Variants in SMARCA2 observed in about 807,000 individuals in gnomAD.
SMARCA2 encodes SWI/SNF-related matrix-associated actin-dependent regulator of chromatin subfamily A member 2.
SMARCA2 carries 61 observed loss-of-function variants against 199.8 expected under a neutral mutation model. That is an observed-to-expected ratio of 0.31 (90% CI 0.25 to 0.38). The LOEUF is 0.38. SMARCA2 is among the 10% of genes least tolerant of loss of function. The probability of loss-of-function intolerance (pLI) is 1.00; values close to 1 mark genes in which losing one functional copy is unlikely to be tolerated. For synonymous variants in SMARCA2, 935 were observed against 732.0 expected, an observed-to-expected ratio of 1.28 and a Z score of -4.48; for missense variants, 1,344 against 2,012.2, an observed-to-expected ratio of 0.67 and a Z score of 6.35.
At chr9:2,155,432 G>C (rs191279449) in intron 27 of SMARCA2, among the ~76,000 whole-genome samples, 300 of 152,118 alleles carry the variant, frequency 2.0e-3, no homozygotes, top group Admixed American at 0.017. Flanking sequence ...ACAGGCACGT[G>C]CCACCACACC....
rs758491724 is a variant in SMARCA2 at position 2,096,704 on chromosome 9, G to A, written c.2931G>A (p.Leu977=). Residue 977 remains leucine, a synonymous_variant, in exon 20 of 34, where the codon CTG becomes CTA. Transcript: ENST00000349721. ...KCDMSALQKI[L]YRHMQAKGIL... ...ACATGTCAGCTCTGCAGAAGATTCT[G>A]TATCGCCATATGCAAGCCAAGGGGA... The A allele has an allele frequency of 2.8e-5, 45 of 1,613,830 alleles. No homozygotes were observed. The Admixed American group carries it at 6.7e-4, about 24-fold the overall frequency.
In SMARCA2 at chr9:2,060,970, G is replaced by A. The variant is rs758647013; in HGVS notation, c.1676G>A (p.Arg559Lys). Reference sequence around the variant, plus strand: ...CAGGCAGCCAAAGAGAAGAAGAAGAGGAGGAGGAGGAAGAAGGTGCGTATC... The same window carrying A: ...CAGGCAGCCAAAGAGAAGAAGAAGAAGAGGAGGAGGAAGAAGGTGCGTATC... Reference protein sequence around the residue: ...QAQAAKEKKKRRRRKKKAEEN... With the variant: ...QAQAAKEKKKKRRRKKKAEEN... Residue 559 changes from arginine (R) to lysine (K), a missense_variant, in exon 9 of 34, where the codon AGG (arginine) becomes AAG (lysine). Physicochemically the swap from Arg to Lys is conservative, Grantham distance 26. Around this residue, in one of 18 missense-constraint regions of SMARCA2, gnomAD observed 68 missense variants for 70.4 expected, o/e 0.97. Coordinates refer to ENST00000349721, the MANE Select transcript of SMARCA2 (RefSeq NM_003070.5). The A allele has an allele frequency of 3.7e-6, 6 of 1,612,824 alleles. No individual in the cohort carries two copies. The East Asian group carries it at 1.3e-4, about 36-fold the overall frequency.
chr9:2,145,475 C>A (rs1461306128), intron 27 of SMARCA2, among the ~76,000 whole-genome samples: 2 of 152,094 alleles, frequency 1.3e-5, no homozygotes, highest in East Asian at 3.8e-4. Context: ...TAATGTCCTT[C>A]TGGGTGCCAA....
At chr9:2,144,697 T>TA (rs1435899054) in intron 27 of SMARCA2, among the ~76,000 whole-genome samples, 9 of 152,120 alleles carry the variant, frequency 5.9e-5, no homozygotes, top group African/African-American at 2.2e-4. Flanking sequence ...TCAGTAAAAT[T>TA]AACAGCCTTC....
chr9:2,081,180 C>T (rs1821551200), intron 14 of SMARCA2, among the ~76,000 whole-genome samples: 1 of 152,250 alleles, frequency 6.6e-6, no homozygotes, highest in East Asian at 1.9e-4. Flanking sequence ...TTCACCCAAC[C>T]TTACTTTTGT....
chr9:2,037,021 A>G (rs1249426924), intron 3 of SMARCA2, among the ~76,000 whole-genome samples: 1 of 152,208 alleles, frequency 6.6e-6, no homozygotes, highest in Non-Finnish European at 1.5e-5. Flanking sequence ...ACATATGACT[A>G]ATTTTAAGCC....
chr9:2,159,631 A>G (rs762443642), intron 27 of SMARCA2: 3 of 607,444 alleles, frequency 4.9e-6, no homozygotes, highest in Middle Eastern at 9.5e-4. Flanking sequence ...GGAAAAAAAT[A>G]TGATAAGTAG....
At chr9:2,090,055 T>C (rs1821986125) in intron 19 of SMARCA2, among the ~76,000 whole-genome samples, 1 of 152,340 alleles carries the variant, frequency 6.6e-6, no homozygotes, top group East Asian at 1.9e-4. Context: ...AAGTATGTTA[T>C]GTTGTAAGAA....
chr9:2,073,482 A>T, intron 11 of SMARCA2, 84 bp from the exon 12 acceptor site: 1 of 1,445,168 alleles, frequency 6.9e-7, no homozygotes, highest in Non-Finnish European at 9.6e-7. Flanking sequence ...TATACATAGA[A>T]TGTGCTATTA....
intron 9 of SMARCA2, among the ~76,000 whole-genome samples, chr9:2,065,175 A>C (rs1378400381): frequency 2.0e-5 from 3 of 151,604 alleles, no homozygotes. Context: ...ACAGAGCGAG[A>C]CTCTGTCTCA....
chr9:2,122,500 A>T (rs1212989437), intron 26 of SMARCA2, among the ~76,000 whole-genome samples: 1 of 152,222 alleles, frequency 6.6e-6, no homozygotes, highest in African/African-American at 2.4e-5. Flanking sequence ...AGCTAATTAT[A>T]GCACATGACA....
chr9:2,047,114 T>G, intron 4 of SMARCA2, 115 bp from the exon 5 acceptor site: 13 of 689,756 alleles, frequency 1.9e-5, no homozygotes, highest in Non-Finnish European at 2.3e-5. Flanking sequence ...TTCCCTCAGG[T>G]GTTTAAGACA....
chr9:2,083,495 A>G (rs1179334153), intron 16 of SMARCA2, 82 bp downstream of exon 16: 4 of 846,968 alleles, frequency 4.7e-6, no homozygotes, highest in Non-Finnish European at 5.9e-6. Flanking sequence ...CACATCTGTG[A>G]ACTGTATTTG....
In SMARCA2 at chr9:2,192,863, G is replaced by C. The variant is rs1827985448; in HGVS notation, c.*124G>C. 7 of 728,240 alleles carry C rather than the reference G, an allele frequency of 9.6e-6. No individual in the cohort carries two copies. Among genetic ancestry groups the C allele is most frequent in the Admixed American group, 6.7e-5 (3 of 44,724 alleles). The allele number at this position is 728,240 out of a possible 1,614,324, so 45.1% of individuals were successfully genotyped here. On this transcript the variant is annotated 3_prime_UTR_variant, in exon 34 of 34. Coordinates refer to ENST00000349721, the MANE Select transcript of SMARCA2 (RefSeq NM_003070.5). ...CTATATCATCATCGTCTATAAACTA[G>C]CTTTAGGATAGTGCCAGACAAACAT...
intron 31 of SMARCA2, among the ~76,000 whole-genome samples, chr9:2,184,353 CTT>C (rs1199876121): frequency 7.7e-5 from 10 of 129,418 alleles, no homozygotes; most frequent in Middle Eastern, 3.8e-3. Context: ...AGGATAATAT[CTT>C]TTTTTTTTTT....
In SMARCA2 at chr9:2,161,914, G is replaced by T. The variant is rs755818369; in HGVS notation, c.4199+11G>T. 17 of 1,605,584 alleles carry T rather than the reference G, an allele frequency of 1.1e-5. No individual in the cohort carries two copies. Among genetic ancestry groups the T allele is most frequent in the South Asian group, 5.5e-5 (5 of 90,662 alleles). The stretch of plus-strand genomic sequence containing the variant: ...AAACTACAAAGATAGGTGAGTGTTT[G>T]GTTCCTTCACCTTGATCATCTCTCA... On this transcript the variant is annotated intron_variant, in intron 28 of 33. Coordinates refer to ENST00000349721, the MANE Select transcript of SMARCA2 (RefSeq NM_003070.5). The surrounding 1 kb of genome is among the most constrained non-coding windows in gnomAD (Gnocchi z 4.7).
intron 4 of SMARCA2, chr9:2,040,291 T>A: frequency 2.9e-6 from 1 of 345,522 alleles, no homozygotes; most frequent in Non-Finnish European, 5.2e-6. Flanking sequence ...ATTTTATAAT[T>A]TGTTGATTTG....
At chr9:2,179,799 G>A (rs1490750042) in intron 29 of SMARCA2, among the ~76,000 whole-genome samples, 1 of 152,202 alleles carries the variant, frequency 6.6e-6, no homozygotes, top group Non-Finnish European at 1.5e-5. Flanking sequence ...GTCATTGAGG[G>A]AGAGTCAGGT....
chr9:2,087,324 A>G, intron 18 of SMARCA2: 1 of 484,158 alleles, frequency 2.1e-6, no homozygotes, highest in East Asian at 3.8e-5. Context: ...CTACCAGAAA[A>G]GGGTCCCAAC....
Sources: allele counts gnomAD v4.1 joint callset (sites outside exome capture counted in the v4.1 genomes callset), GRCh38; gene constraint gnomAD v4.1.1; regional missense constraint gnomAD v4.1.1; non-coding constraint Gnocchi (gnomAD v3.1); transcripts MANE v1.5; gene names NCBI Gene and HGNC (gene_info 2026-07-23, HGNC 2026-07-21).